Variants in SDCCAG8 observed in about 807,000 individuals in gnomAD.
The protein encoded by SDCCAG8 is SHH signaling and ciliogenesis regulator SDCCAG8, also known as serologically defined colon cancer antigen 8.
SDCCAG8 carries 74 observed loss-of-function variants against 101.8 expected under a neutral mutation model. The ratio of observed to expected loss-of-function variants is 0.73; its 90% CI spans 0.60 to 0.88. The LOEUF is 0.88. SDCCAG8 is among the 40% of genes least tolerant of loss of function. The pLI, the probability that SDCCAG8 is intolerant of heterozygous loss-of-function variation, is 0.00. For missense variants in SDCCAG8, 787 were observed against 822.6 expected (o/e 0.96, Z 0.53); for synonymous variants, 281 against 292.9 (o/e 0.96, Z 0.41).
At chr1:243,487,269 C>A (rs1258183271) in intron 16 of SDCCAG8, among the ~76,000 whole-genome samples, 4 of 152,036 alleles carry the variant, frequency 2.6e-5, no homozygotes, top group African/African-American at 7.3e-5. Context: ...CAGCCCGGGC[C>A]CCCCCCTGGG....
intron 16 of SDCCAG8, among the ~76,000 whole-genome samples, chr1:243,483,430 C>T (rs1323352955): frequency 6.6e-6 from 1 of 152,158 alleles, no homozygotes; most frequent in East Asian, 1.9e-4. Flanking sequence ...CCACTCTTGC[C>T]TCGGGGGGAG....
intron 15 of SDCCAG8, among the ~76,000 whole-genome samples, chr1:243,424,060 T>C (rs2081186352): frequency 6.6e-6 from 1 of 152,104 alleles, no homozygotes; most frequent in South Asian, 2.1e-4. Flanking sequence ...TATTGATCAT[T>C]TGTGTTTCTT....
intron 12 of SDCCAG8, among the ~76,000 whole-genome samples, chr1:243,346,940 C>T (rs1473216304): frequency 2.6e-5 from 4 of 152,180 alleles, no homozygotes; most frequent in African/African-American, 4.8e-5. Flanking sequence ...TGAGTCCTCA[C>T]ATTTCCATCA....
At chr1:243,422,128 A>G (rs1220398231) in intron 15 of SDCCAG8, among the ~76,000 whole-genome samples, 1 of 152,140 alleles carries the variant, frequency 6.6e-6, no homozygotes, top group African/African-American at 2.4e-5. Context: ...ACCAGGGTCT[A>G]TGTGGTTTTG....
At chr1:243,446,473 C>T (rs2082913655) in intron 16 of SDCCAG8, among the ~76,000 whole-genome samples, 2 of 152,096 alleles carry the variant, frequency 1.3e-5, no homozygotes, top group Admixed American at 6.5e-5. Context: ...ACTTTGTTGC[C>T]CAGGCTGGTC....
intron 16 of SDCCAG8, among the ~76,000 whole-genome samples, chr1:243,472,491 C>A (rs1661462648): frequency 6.6e-6 from 1 of 152,034 alleles, no homozygotes; most frequent in East Asian, 1.9e-4. Flanking sequence ...GGCAATGACC[C>A]CAAAAACGGA....
intron 16 of SDCCAG8, among the ~76,000 whole-genome samples, chr1:243,449,515 T>C (rs1339382957): frequency 6.6e-6 from 1 of 152,196 alleles, no homozygotes; most frequent in East Asian, 1.9e-4. Flanking sequence ...TTCTTTCACA[T>C]AGCCAGGCAG....
chr1:243,391,336 A>G (rs577494966), intron 13 of SDCCAG8, among the ~76,000 whole-genome samples: 1 of 152,322 alleles, frequency 6.6e-6, no homozygotes, highest in South Asian at 2.1e-4. Context: ...ATGGGAGACC[A>G]GGGCCCACTT....
chr1:243,360,432 G>A (rs144596838), intron 12 of SDCCAG8, among the ~76,000 whole-genome samples: 3 of 151,866 alleles, frequency 2.0e-5, no homozygotes, highest in African/African-American at 4.8e-5. Flanking sequence ...GATTACAGGC[G>A]TGAGCCCCCA....
At chr1:243,281,517 T>C (rs1262227008) in intron 4 of SDCCAG8, among the ~76,000 whole-genome samples, 1 of 152,066 alleles carries the variant, frequency 6.6e-6, no homozygotes, top group Non-Finnish European at 1.5e-5. Context: ...TTAGTTGGTA[T>C]ATTCAGACCA....
At chr1:243,354,829 T>TA (rs1006489592) in intron 12 of SDCCAG8, among the ~76,000 whole-genome samples, 2 of 152,206 alleles carry the variant, frequency 1.3e-5, no homozygotes, top group African/African-American at 4.8e-5. Context: ...GAGTTCTTTT[T>TA]AAAATCAATC....
In SDCCAG8 at chr1:243,430,996, A is replaced by C. The variant is rs1018218589; in HGVS notation, c.1985+4438A>C. On this transcript the variant is annotated intron_variant, in intron 16 of 17. Coordinates refer to ENST00000366541, the MANE Select transcript of SDCCAG8 (RefSeq NM_006642.5). ...TGTGGATCATGAGGTCAGGAGTTCG[A>C]GACCAGCCTGGCCAACATGGTGAAA... is the stretch of plus-strand genomic sequence containing the variant. Among the ~76,000 whole-genome samples the C allele has an allele frequency of 5.9e-5, 9 of 151,866 alleles. No homozygotes were observed. The East Asian group carries it at 1.2e-3, about 20-fold the overall frequency.
At chr1:243,305,402 C>T (rs1270242066) in intron 7 of SDCCAG8, 1 of 151,260 alleles carries the variant, frequency 6.6e-6, no homozygotes, top group Non-Finnish European at 1.5e-5. Flanking sequence ...CTTTAGTTTT[C>T]AAATTATTAG....
Position 243,447,247 on chromosome 1 carries a change from TCAAA to T in SDCCAG8, c.1985+20690_1985+20693del, listed in dbSNP as rs1388360455. On this transcript the variant is annotated intron_variant, in intron 16 of 17. Transcript: ENST00000366541. ...CTGGGTGACAGAACAAGACTTCGTC[TCAAA>T]AAAAAAAAAAAAAAAAAAAAAAAAA... Among the ~76,000 whole-genome samples the T allele has an allele frequency of 6.3e-3, 67 of 10,706 alleles. 1 individual carries two copies. The highest frequency in any genetic ancestry group is 0.03 in the South Asian group (15 of 496). The allele number at this position is 10,706 out of a possible 152,430, so 7.0% of individuals were successfully genotyped here. A position where few individuals can be genotyped will look rare whatever the true frequency, so the allele number is the denominator to read the frequency against.
rs200447734 is a variant in SDCCAG8 at position 243,308,161 on chromosome 1, A to G, written c.913A>G (p.Ile305Val). ...QTHTNVHMQT[I>V]ERLVKERDDL... Reference sequence around the variant, plus strand: ...CCATACTAATGTTCATATGCAGACCATCGAAAGACTGGTTAAGTAAGTATG... The same window carrying G: ...CCATACTAATGTTCATATGCAGACCGTCGAAAGACTGGTTAAGTAAGTATG... The change falls in exon 8 of 18, where the codon ATC becomes GTC. Residue 305 changes from isoleucine to valine, a missense_variant. Physicochemically the swap from Ile to Val is conservative, Grantham distance 29. Transcript: ENST00000366541. 3.1e-6 allele frequency: 5 copies of G among 1,614,188 alleles called. No homozygotes were observed. The South Asian group carries it at 3.3e-5, about 11-fold the overall frequency.
chr1:243,440,498 C>T (rs994144161), intron 16 of SDCCAG8, among the ~76,000 whole-genome samples: 5 of 152,056 alleles, frequency 3.3e-5, no homozygotes, highest in African/African-American at 9.7e-5. Flanking sequence ...CTTTGCCTGT[C>T]GGAGAGCCTA....
At chr1:243,467,504 G>A (rs1280192633) in intron 16 of SDCCAG8, among the ~76,000 whole-genome samples, 1 of 152,234 alleles carries the variant, frequency 6.6e-6, no homozygotes, top group African/African-American at 2.4e-5. Context: ...GCTTTATTCG[G>A]AGAGAGTTGT....
At chr1:243,318,340 G>A (rs927309344) in intron 9 of SDCCAG8, among the ~76,000 whole-genome samples, 1 of 152,174 alleles carries the variant, frequency 6.6e-6, no homozygotes, top group African/African-American at 2.4e-5. Context: ...ACCACAGACA[G>A]TGGCATCTCC....
intron 12 of SDCCAG8, among the ~76,000 whole-genome samples, chr1:243,351,918 A>G (rs1429465858): frequency 6.6e-6 from 1 of 152,240 alleles, no homozygotes; most frequent in Admixed American, 6.5e-5. Flanking sequence ...GCAGTTCCAA[A>G]TCAATCCAGT....
Sources: allele counts gnomAD v4.1 joint callset (sites outside exome capture counted in the v4.1 genomes callset), GRCh38; gene constraint gnomAD v4.1.1; transcripts MANE v1.5; gene names NCBI Gene and HGNC (gene_info 2026-07-23, HGNC 2026-07-21).